The following TMED8 variants were observed in gnomAD, a reference collection of about 807,000 sequenced individuals.
The protein encoded by TMED8 is protein TMED8.
In TMED8, 15 loss-of-function variants were observed where a neutral mutation model predicts 32.7. The ratio of observed to expected loss-of-function variants is 0.46; its 90% CI spans 0.31 to 0.71. TMED8 has a LOEUF of 0.71. Ranked by LOEUF, TMED8 falls within the 30% of genes least tolerant of loss-of-function variation. The pLI is 0.06. For synonymous variants in TMED8, 147 were observed against 161.4 expected, an observed-to-expected ratio of 0.91 and a Z score of 0.68; for missense variants, 390 against 423.9, an observed-to-expected ratio of 0.92 and a Z score of 0.70.
intron 1 of TMED8, among the ~76,000 whole-genome samples, chr14:77,360,276 C>T (rs968462775): frequency 3.3e-5 from 5 of 152,140 alleles, no homozygotes; most frequent in African/African-American, 1.2e-4. Flanking sequence ...TACATTAGAT[C>T]TCTAGACTTG....
intron 1 of TMED8, among the ~76,000 whole-genome samples, chr14:77,351,981 G>T (rs996971440): frequency 1.3e-5 from 2 of 152,070 alleles, no homozygotes; most frequent in Admixed American, 6.6e-5. Context: ...CTAAAACAAG[G>T]CTCCAAAAAT....
chr14:77,372,906 T>TTTTTA lies in TMED8; in HGVS notation c.118+4029_118+4030insTAAAA, dbSNP rs1227686477. Among the ~76,000 whole-genome samples, 93 of 35,338 alleles carry TTTTTA rather than the reference T, an allele frequency of 2.6e-3. 3 individuals are homozygous for TTTTTA. Among genetic ancestry groups the TTTTTA allele is most frequent in the Admixed American group, 3.8e-3 (7 of 1,864 alleles). The allele number at this position is 35,338 out of a possible 152,430, so 23.2% of individuals were successfully genotyped here. A position where few individuals can be genotyped will look rare whatever the true frequency, so the allele number is the denominator to read the frequency against. On this transcript the variant is annotated intron_variant, in intron 1 of 5. Coordinates refer to ENST00000216468, the MANE Select transcript of TMED8 (RefSeq NM_213601.3). Reference sequence around the variant, plus strand: ...ATGCACATTGAAATAGCCACAGATATTATATATATATATATATATATATAT... The same window carrying TTTTTA: ...ATGCACATTGAAATAGCCACAGATATTTTTATATATATATATATATATATATATAT...
intron 1 of TMED8, among the ~76,000 whole-genome samples, chr14:77,358,825 A>T (rs758956863): frequency 3.3e-5 from 5 of 152,196 alleles, no homozygotes; most frequent in Non-Finnish European, 5.9e-5. Flanking sequence ...AACATAAGGA[A>T]ATACATATAC....
chr14:77,341,814 A>G lies in TMED8; in HGVS notation c.935T>C (p.Leu312Pro), dbSNP rs1236917958. ...LLKFDNSYSL[L>P]RNKTLYFHIY... ...GTGGAAGTAGAGAGTCTTGTTGCGC[A>G]GCAGGGAGTAGGAGTTGTCGAACTT... is the stretch of plus-strand genomic sequence containing the variant. Residue 312 changes from leucine to proline, a missense_variant, in exon 6 of 6, where the codon CTG becomes CCG. Physicochemically the swap from Leu to Pro is moderately conservative, Grantham distance 98. Transcript: ENST00000216468. The G allele has an allele frequency of 2.5e-6, 4 of 1,613,938 alleles. No homozygotes were observed. The highest frequency in any genetic ancestry group is 3.4e-6 in the Non-Finnish European group (4 of 1,180,042).
At position 77,376,719 on chromosome 14, in the gene TMED8, A is replaced by C. The variant is rs1016101070; in HGVS notation, c.118+217T>G. On this transcript the variant is annotated intron_variant, in intron 1 of 5. Coordinates refer to ENST00000216468, the MANE Select transcript of TMED8 (RefSeq NM_213601.3). The surrounding 1 kb of genome is among the most constrained non-coding windows in gnomAD (Gnocchi z 4.0). ...ATCTCAGAAAGGAAGCGGGGCAGGA[A>C]TCAAGGCATTTCGAAACAGGAGTGA... 3 of 335,636 alleles carry C rather than the reference A, an allele frequency of 8.9e-6. No homozygotes were observed. The highest frequency in any genetic ancestry group is 1.6e-5 in the Non-Finnish European group (3 of 186,292). 20.8% of individuals were successfully genotyped at this position (335,636 alleles called of 1,614,324 possible).
chr14:77,352,488 C>A (rs1300709189), intron 1 of TMED8, among the ~76,000 whole-genome samples: 1 of 151,628 alleles, frequency 6.6e-6, no homozygotes, highest in Non-Finnish European at 1.5e-5. Context: ...CTTGTAATCC[C>A]AGCACTTTGG....
In TMED8 at chr14:77,335,514, TC is replaced by T. The variant is rs1233271587; in HGVS notation, c.*6256del. Reference sequence around the variant, plus strand: ...TTAAATCTTTACGAAGAAAACATGATCATCTTTCAGTCAACTGACTGATCTG... The same window carrying T: ...TTAAATCTTTACGAAGAAAACATGATATCTTTCAGTCAACTGACTGATCTG... On this transcript the variant is annotated 3_prime_UTR_variant, in exon 6 of 6. Coordinates refer to ENST00000216468, the MANE Select transcript of TMED8 (RefSeq NM_213601.3). 2.6e-5 allele frequency: 4 copies of T among 152,228 alleles called. No individual in the cohort carries two copies. Among genetic ancestry groups the T allele is most frequent in the African/African-American group, 9.6e-5 (4 of 41,466 alleles). The allele number at this position is 152,228 out of a possible 1,614,324, so 9.4% of individuals were successfully genotyped here. A position where few individuals can be genotyped will look rare whatever the true frequency, so the allele number is the denominator to read the frequency against.
chr14:77,373,314 A>G (rs115385328), intron 1 of TMED8, among the ~76,000 whole-genome samples: 3,833 of 151,668 alleles, frequency 0.025, 175 homozygotes, highest in African/African-American at 0.088. Context: ...AAAAAAAAAC[A>G]AAAACAAAAA....
intron 3 of TMED8, among the ~76,000 whole-genome samples, chr14:77,345,614 T>C (rs1183533281): frequency 7.1e-6 from 1 of 141,380 alleles, no homozygotes; most frequent in East Asian, 2.2e-4. Context: ...GAGCCATGAC[T>C]GCACCATCGC....
At chr14:77,366,406 G>A (rs1470663338) in intron 1 of TMED8, among the ~76,000 whole-genome samples, 1 of 152,226 alleles carries the variant, frequency 6.6e-6, no homozygotes. Context: ...TGGGACAAAT[G>A]AGAGACAGAA....
chr14:77,347,861 G>A (rs1387555495), intron 2 of TMED8, among the ~76,000 whole-genome samples: 1 of 152,168 alleles, frequency 6.6e-6, no homozygotes, highest in African/African-American at 2.4e-5. Flanking sequence ...GGATTTTTTT[G>A]AATGGCAGTT....
Position 77,338,653 on chromosome 14 carries a change from C to G in TMED8, c.*3118G>C, listed in dbSNP as rs1448365905. 1 of 152,218 alleles carries G rather than the reference C, an allele frequency of 6.6e-6. No homozygotes were observed. Among genetic ancestry groups the G allele is most frequent in the African/African-American group, 2.4e-5 (1 of 41,438 alleles). The allele number at this position is 152,218 out of a possible 1,614,324, so 9.4% of individuals were successfully genotyped here. ...CTCCCTCAAATGTATAAAACTGTAA[C>G]CCGACTACCTCGGGCACATGTTCTA... On this transcript the variant is annotated 3_prime_UTR_variant, in exon 6 of 6. Transcript: ENST00000216468.
chr14:77,339,905 T>C lies in TMED8; in HGVS notation c.*1866A>G, dbSNP rs1163382500. ...TTGCCCTTTGATGTGATGTAGATGC[T>C]ACTAGGGACCCACTGGGAAGAGTCC... On this transcript the variant is annotated 3_prime_UTR_variant, in exon 6 of 6. Transcript: ENST00000216468. The C allele has an allele frequency of 6.6e-6, 1 of 152,228 alleles. No individual in the cohort carries two copies. The highest frequency in any genetic ancestry group is 2.1e-4 in the South Asian group (1 of 4,832). 9.4% of individuals were successfully genotyped at this position (152,228 alleles called of 1,614,324 possible).
intron 1 of TMED8, among the ~76,000 whole-genome samples, chr14:77,362,386 T>A (rs762690683): frequency 6.6e-6 from 1 of 152,206 alleles, no homozygotes; most frequent in Non-Finnish European, 1.5e-5. Context: ...TCTTTCTACA[T>A]CTAAAGTTGT....
At chr14:77,371,692 G>T (rs1004306252) in intron 1 of TMED8, among the ~76,000 whole-genome samples, 4 of 152,152 alleles carry the variant, frequency 2.6e-5, no homozygotes, top group African/African-American at 9.7e-5. Flanking sequence ...CAGTGAGAGA[G>T]AATTATGAGC....
At chr14:77,349,135 G>T in intron 2 of TMED8, among the ~76,000 whole-genome samples, 1 of 112,522 alleles carries the variant, frequency 8.9e-6, no homozygotes, top group African/African-American at 3.5e-5. Context: ...TTTGGAGACA[G>T]AGTCTTGCTC....
Position 77,358,311 on chromosome 14 carries a change from T to C in TMED8, c.119-6560A>G, listed in dbSNP as rs959065256. Among the ~76,000 whole-genome samples the C allele has an allele frequency of 2.0e-5, 3 of 151,976 alleles. No individual in the cohort carries two copies. In the East Asian group the frequency reaches 5.8e-4, roughly 29 times the overall value. ...TAATTCAGATTACAGGATTTTTCTT[T>C]TTTTTTTTGAGACGGAGTCTTGCTC... On this transcript the variant is annotated intron_variant, in intron 1 of 5. Transcript: ENST00000216468.
intron 2 of TMED8, among the ~76,000 whole-genome samples, chr14:77,348,347 C>G (rs891745382): frequency 6.6e-6 from 1 of 151,986 alleles, no homozygotes; most frequent in African/African-American, 2.4e-5. Context: ...CTCACCCTCC[C>G]GAGTAGCTGG....
At chr14:77,365,286 A>G (rs1392417930) in intron 1 of TMED8, among the ~76,000 whole-genome samples, 2 of 152,252 alleles carry the variant, frequency 1.3e-5, no homozygotes, top group Non-Finnish European at 2.9e-5. Context: ...CAGTTAAATT[A>G]GACATGATTT....
Sources: gnomAD v4.1 joint callset for allele counts (sites outside exome capture counted in the v4.1 genomes callset) on GRCh38, gnomAD v4.1.1 for gene constraint, Gnocchi (gnomAD v3.1) non-coding constraint, MANE v1.5 for transcripts, NCBI Gene and HGNC (gene_info 2026-07-23, HGNC 2026-07-21) for gene names.